Variants in MYO1H observed in about 807,000 individuals in gnomAD.
The protein encoded by MYO1H is unconventional myosin-Ih.
A neutral mutation model predicts 149.3 loss-of-function variants in MYO1H; 118 were observed. That is an observed-to-expected ratio of 0.79 (90% CI 0.68 to 0.92). The LOEUF is 0.92. Ranked by LOEUF, MYO1H falls within the 40% of genes least tolerant of loss-of-function variation. The probability of loss-of-function intolerance (pLI) is 0.00; values close to 1 mark genes in which losing one functional copy is unlikely to be tolerated. For missense variants in MYO1H, 1,212 were observed against 1,280.7 expected (o/e 0.95, Z 0.82); for synonymous variants, 447 against 465.2 (o/e 0.96, Z 0.50).
At chr12:109,406,735 AAAGC>A in intron 8 of MYO1H, 50 bp from the exon 9 acceptor site, 5 of 1,548,954 alleles carry the variant, frequency 3.2e-6, no homozygotes, top group Non-Finnish European at 4.5e-6. Flanking sequence ...AAAATAATAA[AAAGC>A]AAGTAAAACT....
chr12:109,446,096 A>G lies in MYO1H; in HGVS notation c.3093+484A>G. 3 of 985,318 alleles carry G rather than the reference A, an allele frequency of 3.0e-6. 1 individual carries two copies. Among genetic ancestry groups the G allele is most frequent in the South Asian group, 9.4e-5 (2 of 21,288 alleles). The allele number at this position is 985,318 out of a possible 1,614,324, so 61.0% of individuals were successfully genotyped here. A position where few individuals can be genotyped will look rare whatever the true frequency, so the allele number is the denominator to read the frequency against. On this transcript the variant is annotated intron_variant, in intron 31 of 31. Transcript: ENST00000310903. ...TGTAAAAAATATGTAAGAAAATATA[A>G]AGTTGCTTTTTGGAATACATGTGTC...
chr12:109,383,510 T>C (rs576739179), intron 1 of MYO1H, among the ~76,000 whole-genome samples: 1 of 152,346 alleles, frequency 6.6e-6, no homozygotes, highest in East Asian at 1.9e-4. Flanking sequence ...AAGTCTACTG[T>C]GGGTGTTGAT....
chr12:109,435,990 G>A (rs542228865), intron 21 of MYO1H, among the ~76,000 whole-genome samples: 20 of 152,300 alleles, frequency 1.3e-4, no homozygotes, highest in Admixed American at 1.2e-3. Flanking sequence ...TGATGAGCTT[G>A]GCCTCTGATA....
the MYO1H span, among the ~76,000 whole-genome samples, chr12:109,326,588 C>G: frequency 2.6e-5 from 4 of 151,648 alleles, no homozygotes; most frequent in Non-Finnish European, 5.9e-5. Flanking sequence ...GTGGCACAAT[C>G]TTGGCTCACT....
exon 25 of MYO1H, chr12:109,440,814 A>G: frequency 6.4e-7 from 1 of 1,555,860 alleles, no homozygotes; most frequent in Non-Finnish European, 8.7e-7. Context: ...ATCACAGCTG[A>G]GCGGAAAGCA....
chr12:109,423,062 G>T (rs1367998553), intron 16 of MYO1H, among the ~76,000 whole-genome samples: 2 of 150,946 alleles, frequency 1.3e-5, no homozygotes, highest in African/African-American at 4.9e-5. Flanking sequence ...CTCCAGCCTG[G>T]ATGACAGAGT....
At chr12:109,420,790 C>A (rs995202681) in intron 15 of MYO1H, among the ~76,000 whole-genome samples, 191 bp from the exon 16 acceptor site, 1 of 152,104 alleles carries the variant, frequency 6.6e-6, no homozygotes, top group African/African-American at 2.4e-5. Flanking sequence ...TCTCAACATC[C>A]CACAATGCAT....
At chr12:109,352,614 A>G (rs1374385566) in intron 1 of MYO1H, among the ~76,000 whole-genome samples, 2 of 152,232 alleles carry the variant, frequency 1.3e-5, no homozygotes, top group African/African-American at 2.4e-5. Flanking sequence ...TGTATGATGA[A>G]GTGTGTTAAA....
chr12:109,378,315 TTTTA>T (rs966452904), intron 1 of MYO1H, among the ~76,000 whole-genome samples: 1 of 151,634 alleles, frequency 6.6e-6, no homozygotes, highest in African/African-American at 2.4e-5. Flanking sequence ...TTTTTTTCTT[TTTTA>T]TTTATTTATT....
At chr12:109,404,111 C>T (rs1334774747) in intron 7 of MYO1H, 31 bp downstream of exon 7, 2 of 1,484,186 alleles carry the variant, frequency 1.3e-6, no homozygotes, top group South Asian at 1.2e-5. Context: ...ACTGATAGTT[C>T]CCCCTGGGAC....
chr12:109,334,056 G>A, the MYO1H span, among the ~76,000 whole-genome samples: 6 of 151,434 alleles, frequency 4.0e-5, no homozygotes, highest in South Asian at 4.2e-4. Flanking sequence ...TCACTTTGTC[G>A]CCCAGGCCGG....
chr12:109,356,248 T>A (rs1006137010), intron 1 of MYO1H, among the ~76,000 whole-genome samples: 1 of 152,214 alleles, frequency 6.6e-6, no homozygotes, highest in African/African-American at 2.4e-5. Flanking sequence ...GGTTTTAACA[T>A]AATCCATTGT....
At chr12:109,447,831 C>G (rs942382511) in exon 32 of MYO1H, 1 of 152,546 alleles carries the variant, frequency 6.6e-6, no homozygotes, top group Non-Finnish European at 1.5e-5. Flanking sequence ...CTCTGGCCAT[C>G]TGCAACCCTG....
the MYO1H span, among the ~76,000 whole-genome samples, chr12:109,325,824 A>C: frequency 5.9e-5 from 9 of 152,354 alleles, no homozygotes; most frequent in African/African-American, 2.2e-4. Context: ...AAAATAGCTC[A>C]TCATCACTGA....
At chr12:109,430,457 G>A (rs950529969) in intron 19 of MYO1H, among the ~76,000 whole-genome samples, 1 of 152,152 alleles carries the variant, frequency 6.6e-6, no homozygotes, top group African/African-American at 2.4e-5. Context: ...CTGCATGGAT[G>A]AAAGCAGGGC....
chr12:109,345,443 A>G (rs545578144), upstream of MYO1H, among the ~76,000 whole-genome samples: 5 of 152,328 alleles, frequency 3.3e-5, no homozygotes, highest in South Asian at 4.1e-4. Flanking sequence ...AGAATAAAAA[A>G]GGTGAACAAC....
chr12:109,386,654 T>C (rs1869327176), intron 1 of MYO1H, among the ~76,000 whole-genome samples: 1 of 152,254 alleles, frequency 6.6e-6, no homozygotes, highest in Admixed American at 6.5e-5. Context: ...TTGTGAAGTG[T>C]CTATTCAAGT....
In MYO1H at chr12:109,424,849, T is replaced by C. The variant is rs749328289; in HGVS notation, c.1725+21T>C. 3.7e-6 allele frequency: 6 copies of C among 1,605,980 alleles called. No homozygotes were observed. The Admixed American group carries it at 8.4e-5, about 22-fold the overall frequency. On this transcript the variant is annotated intron_variant, in intron 17 of 31. Coordinates refer to ENST00000310903, the Ensembl canonical transcript of MYO1H. ...CAACAGTGAGTGGGAAAAACACCCA[T>C]GCAAAATTGGATCTCACCAGAGGGT...
chr12:109,344,963 A>G (rs530766117), upstream of MYO1H, among the ~76,000 whole-genome samples: 1 of 152,226 alleles, frequency 6.6e-6, no homozygotes, highest in African/African-American at 2.4e-5. Context: ...ATAATACACA[A>G]AAACTTACTC....
Sources: gnomAD v4.1 joint callset for allele counts (sites outside exome capture counted in the v4.1 genomes callset) on GRCh38, gnomAD v4.1.1 for gene constraint, MANE v1.5 for transcripts, NCBI Gene and HGNC (gene_info 2026-07-23, HGNC 2026-07-21) for gene names.